The following PTPRG variants were observed in gnomAD, a reference collection of about 807,000 sequenced individuals.
The protein encoded by PTPRG is receptor-type tyrosine-protein phosphatase gamma.
A neutral mutation model predicts 165.3 loss-of-function variants in PTPRG; 102 were observed. That is an observed-to-expected ratio of 0.62 (90% confidence interval 0.53 to 0.73). PTPRG has a LOEUF of 0.73. PTPRG is among the 30% of genes least tolerant of loss of function. PTPRG has a pLI of 0.00. For missense variants in PTPRG, 1,866 were observed against 1,861.4 expected (o/e 1.00, Z -0.05); for synonymous variants, 675 against 669.5 (o/e 1.01, Z -0.13).
intron 2 of PTPRG, among the ~76,000 whole-genome samples, chr3:61,806,861 C>T (rs1222376577): frequency 1.3e-5 from 2 of 152,202 alleles, no homozygotes; most frequent in South Asian, 2.1e-4. Context: ...AGGTTTCATA[C>T]TCCGTGGCTT....
intron 6 of PTPRG, among the ~76,000 whole-genome samples, chr3:62,156,573 G>A (rs905814549): frequency 1.3e-5 from 2 of 152,152 alleles, no homozygotes; most frequent in African/African-American, 4.8e-5. Flanking sequence ...GGAATTGCAT[G>A]TTACTGGTGA....
chr3:62,243,147 T>C (rs1701203398), intron 14 of PTPRG, among the ~76,000 whole-genome samples: 1 of 151,990 alleles, frequency 6.6e-6, no homozygotes, highest in Admixed American at 6.6e-5. Context: ...TTCTCTTCAT[T>C]GCCTGTCCTA....
At chr3:61,669,172 C>G (rs1702895305) in intron 1 of PTPRG, among the ~76,000 whole-genome samples, 1 of 152,004 alleles carries the variant, frequency 6.6e-6, no homozygotes, top group Non-Finnish European at 1.5e-5. Context: ...TGAGAGTGGA[C>G]TAAGGTAGTG....
intron 5 of PTPRG, among the ~76,000 whole-genome samples, chr3:62,101,962 T>G (rs1702302599): frequency 6.6e-6 from 1 of 152,192 alleles, no homozygotes; most frequent in African/African-American, 2.4e-5. Flanking sequence ...AAAAAGTATC[T>G]CTTTCTTTTT....
At position 61,621,051 on chromosome 3, in the gene PTPRG, A is replaced by ATATATATATATATATGTGTGTGTGTGTG; in HGVS notation, c.85+58680_85+58681insATATATATATATATGTGTGTGTGTGTGT. 7.1e-3 allele frequency among the ~76,000 whole-genome samples: 835 copies of ATATATATATATATATGTGTGTGTGTGTG among 117,512 alleles called. 9 individuals are homozygous for ATATATATATATATATGTGTGTGTGTGTG. The highest frequency in any genetic ancestry group is 0.018 in the South Asian group (61 of 3,384). 77.1% of individuals were successfully genotyped at this position (117,512 alleles called of 152,430 possible). A position where few individuals can be genotyped will look rare whatever the true frequency, so the allele number is the denominator to read the frequency against. The stretch of plus-strand genomic sequence containing the variant: ...TGTGTGTGTATATATATATATATAT[A>ATATATATATATATATGTGTGTGTGTGTG]TGTGTGTGTGTGTGTGTGTGTGTGT... On this transcript the variant is annotated intron_variant, in intron 1 of 29. Transcript: ENST00000474889.
At chr3:62,104,781 C>G (rs7609607) in intron 5 of PTPRG, among the ~76,000 whole-genome samples, 1 of 152,034 alleles carries the variant, frequency 6.6e-6, no homozygotes, top group East Asian at 1.9e-4. Flanking sequence ...AAAGCTGGAA[C>G]TGATGGTCTG....
At chr3:62,178,110 G>T (rs1471182046) in intron 8 of PTPRG, among the ~76,000 whole-genome samples, 1 of 151,786 alleles carries the variant, frequency 6.6e-6, no homozygotes, top group Non-Finnish European at 1.5e-5. Flanking sequence ...AGGATGGATG[G>T]ATGTGTGGAT....
At chr3:62,097,493 C>T (rs920573766) in intron 5 of PTPRG, among the ~76,000 whole-genome samples, 2 of 151,804 alleles carry the variant, frequency 1.3e-5, no homozygotes, top group South Asian at 2.1e-4. Context: ...GGTATATGAA[C>T]GCGATTGGTG....
At chr3:61,654,544 T>A (rs1033299829) in intron 1 of PTPRG, among the ~76,000 whole-genome samples, 5 of 150,920 alleles carry the variant, frequency 3.3e-5, no homozygotes, top group African/African-American at 1.2e-4. Context: ...GCCACCATGC[T>A]CAGCTAGTTT....
intron 10 of PTPRG, among the ~76,000 whole-genome samples, chr3:62,201,199 C>T (rs910081819): frequency 6.6e-6 from 1 of 152,076 alleles, no homozygotes; most frequent in African/African-American, 2.4e-5. Flanking sequence ...ATGCATTTTA[C>T]CGTATGTAAG....
At chr3:61,616,204 G>A (rs2106884750) in intron 1 of PTPRG, among the ~76,000 whole-genome samples, 1 of 152,216 alleles carries the variant, frequency 6.6e-6, no homozygotes, top group East Asian at 1.9e-4. Flanking sequence ...TGCCCACCTT[G>A]GCCTCCCAAA....
intron 2 of PTPRG, among the ~76,000 whole-genome samples, chr3:61,776,224 C>T (rs1025693704): frequency 3.9e-5 from 6 of 151,974 alleles, no homozygotes; most frequent in African/African-American, 1.2e-4. Flanking sequence ...ATACTGTTTG[C>T]TAAGGGAATG....
intron 12 of PTPRG, among the ~76,000 whole-genome samples, chr3:62,205,841 T>C (rs1700216626): frequency 6.6e-6 from 1 of 150,436 alleles, no homozygotes; most frequent in Non-Finnish European, 1.5e-5. Context: ...AGATCTTGGC[T>C]GCAGTGTTAC....
chr3:61,863,878 A>G (rs1010484717), intron 2 of PTPRG, among the ~76,000 whole-genome samples: 1 of 152,218 alleles, frequency 6.6e-6, no homozygotes, highest in Non-Finnish European at 1.5e-5. Context: ...ATGACCTAGT[A>G]TGAACGTCAG....
At chr3:61,730,471 G>C (rs997544454) in intron 1 of PTPRG, among the ~76,000 whole-genome samples, 1 of 152,192 alleles carries the variant, frequency 6.6e-6, no homozygotes, top group African/African-American at 2.4e-5. Context: ...AACAGCGGAG[G>C]TTCATTGTTA....
At chr3:61,945,560 C>CAAAAAAAAAAAAAAAAAAAAAA (rs71123242) in intron 2 of PTPRG, among the ~76,000 whole-genome samples, 1 of 55,462 alleles carries the variant, frequency 1.8e-5, no homozygotes, top group Admixed American at 2.8e-4. Flanking sequence ...ACTCCGTCAC[C>CAAAAAAAAAAAAAAAAAAAAAA]AAAAAAAAAA....
chr3:61,704,880 C>T (rs1339110486), intron 1 of PTPRG, among the ~76,000 whole-genome samples: 1 of 152,234 alleles, frequency 6.6e-6, no homozygotes, highest in African/African-American at 2.4e-5. Context: ...TAGCTTCTGC[C>T]TGGCCCCCGC....
chr3:61,787,390 G>A (rs1479354575), intron 2 of PTPRG, among the ~76,000 whole-genome samples: 1 of 152,152 alleles, frequency 6.6e-6, no homozygotes. Context: ...TGAATCTAAG[G>A]CAACTTTGGT....
At position 61,865,328 on chromosome 3, in the gene PTPRG, C is replaced by T. The variant is rs184661246; in HGVS notation, c.190+116346C>T. On this transcript the variant is annotated intron_variant, in intron 2 of 29. Coordinates refer to ENST00000474889, the MANE Select transcript of PTPRG (RefSeq NM_002841.4). The stretch of plus-strand genomic sequence containing the variant: ...ACCAGTTAGAGAGCTACATGTGAGG[C>T]CTTGTTTGAGCGTCTCATTTAATTC... Among the ~76,000 whole-genome samples, 305 of 152,218 alleles carry T rather than the reference C, an allele frequency of 2.0e-3. 1 individual carries two copies. Among genetic ancestry groups the T allele is most frequent in the Non-Finnish European group, 3.4e-3 (234 of 68,010 alleles).
Sources: gnomAD v4.1 joint callset for allele counts (sites outside exome capture counted in the v4.1 genomes callset) on GRCh38, gnomAD v4.1.1 for gene constraint, MANE v1.5 for transcripts, NCBI Gene and HGNC (gene_info 2026-07-23, HGNC 2026-07-21) for gene names.